Variants in NOX5 observed in about 807,000 individuals in gnomAD.
The protein encoded by NOX5 is NADPH oxidase 5.
A neutral mutation model predicts 85.7 loss-of-function variants in NOX5; 76 were observed. That is an observed-to-expected ratio of 0.89 (90% confidence interval 0.74 to 1.07). NOX5 has a LOEUF of 1.07. Ranked by LOEUF, NOX5 falls within the 50% of genes least tolerant of loss-of-function variation. NOX5 has a pLI of 0.00. For synonymous variants in NOX5, 405 were observed against 401.4 expected, an observed-to-expected ratio of 1.01 and a Z score of -0.11; for missense variants, 973 against 999.5, an observed-to-expected ratio of 0.97 and a Z score of 0.36.
chr15:69,050,802 C>T (rs779169229), intron 14 of NOX5, among the ~76,000 whole-genome samples: 2 of 152,186 alleles, frequency 1.3e-5, no homozygotes, highest in African/African-American at 2.4e-5. Flanking sequence ...GAGTCTAGAG[C>T]AGCCTTTAGT....
rs1262852450 is a variant in NOX5 at position 69,059,222 on chromosome 15, T to G, written c.*2526T>G. The G allele has an allele frequency of 6.6e-6, 1 of 152,216 alleles. No individual in the cohort carries two copies. The highest frequency in any genetic ancestry group is 1.5e-5 in the Non-Finnish European group (1 of 68,040). The allele number at this position is 152,216 out of a possible 1,614,324, so 9.4% of individuals were successfully genotyped here. ...GTGTGACGACCATATGCCCGTGTCC[T>G]GAGGTTTTCTCTCCAGACAGATTCC... On this transcript the variant is annotated 3_prime_UTR_variant, in exon 16 of 16. Coordinates refer to ENST00000388866, the MANE Select transcript of NOX5 (RefSeq NM_024505.4).
chr15:69,016,432 A>G (rs970880044), intron 1 of NOX5, among the ~76,000 whole-genome samples: 1 of 152,146 alleles, frequency 6.6e-6, no homozygotes, highest in Non-Finnish European at 1.5e-5. Flanking sequence ...TTTATAGGCG[A>G]GGAGAGAGTG....
intron 10 of NOX5, among the ~76,000 whole-genome samples, chr15:69,044,689 G>A (rs774858468): frequency 6.6e-6 from 1 of 152,210 alleles, no homozygotes; most frequent in African/African-American, 2.4e-5. Context: ...TAAAAGTGTT[G>A]TGTATGTCTG....
At position 69,037,155 on chromosome 15, in the gene NOX5, C is replaced by T. The variant is rs947926394; in HGVS notation, c.1316C>T (p.Ala439Val). ...LFFLEKAIGLAVSRMAAVCIM... is the reference protein window; with the variant it reads ...LFFLEKAIGLVVSRMAAVCIM... ...TTCCTGGAGAAGGCCATCGGACTGG[C>T]AGTGTCCCGCATGGCAGCCGTGTGC... Residue 439 changes from alanine to valine, a missense_variant, in exon 8 of 16, where the codon GCA becomes GTA. Ala to Val is a moderately conservative substitution (Grantham distance 64). Coordinates refer to ENST00000388866, the MANE Select transcript of NOX5 (RefSeq NM_024505.4). 1.2e-6 allele frequency: 2 copies of T among 1,613,906 alleles called. No individual in the cohort carries two copies. Among genetic ancestry groups the T allele is most frequent in the Non-Finnish European group, 1.7e-6 (2 of 1,180,032 alleles).
At chr15:69,040,871 A>G (rs2050585678) in intron 9 of NOX5, among the ~76,000 whole-genome samples, 1 of 152,046 alleles carries the variant, frequency 6.6e-6, no homozygotes, top group Non-Finnish European at 1.5e-5. Flanking sequence ...TATTTTTAGT[A>G]GAGTCTGGAT....
At chr15:69,018,268 G>A (rs2050254595) in intron 1 of NOX5, among the ~76,000 whole-genome samples, 1 of 152,000 alleles carries the variant, frequency 6.6e-6, no homozygotes, top group Admixed American at 6.5e-5. Flanking sequence ...CCTGGGGACC[G>A]GGTACTTGCT....
In NOX5 at chr15:69,033,263, T is replaced by A. The variant is rs751680747; in HGVS notation, c.841T>A (p.Cys281Ser). 3 of 1,595,024 alleles carry A rather than the reference T, an allele frequency of 1.9e-6. No homozygotes were observed. The highest frequency in any genetic ancestry group is 2.5e-6 in the Non-Finnish European group (3 of 1,178,528). ...KGCGQCLNFDCSFIAVLMLRR... is the reference protein window; with the variant it reads ...KGCGQCLNFDSSFIAVLMLRR... ...CTGCGGCCAGTGCCTCAACTTCGAC[T>A]GCAGCTTCATCGCGGTAGGCTCTGC... Residue 281 changes from cysteine to serine, a missense_variant, in exon 5 of 16, where the codon TGC becomes AGC. By Grantham distance (112) the Cys-to-Ser change is moderately radical (BLOSUM62 -1). Coordinates refer to ENST00000388866, the MANE Select transcript of NOX5 (RefSeq NM_024505.4).
intron 14 of NOX5, among the ~76,000 whole-genome samples, chr15:69,050,632 A>G (rs995261671): frequency 4.6e-5 from 7 of 152,192 alleles, no homozygotes; most frequent in East Asian, 1.9e-4. Context: ...CAAGTGATCC[A>G]CCTGCTTCAG....
At chr15:69,047,624 TCCTC>T (rs1186076854) in intron 12 of NOX5, 87 bp downstream of exon 12, 41 of 1,494,464 alleles carry the variant, frequency 2.7e-5, no homozygotes, top group Non-Finnish European at 3.7e-5. Flanking sequence ...TCCTTCTCCT[TCCTC>T]TCCTTTCACC....
intron 1 of NOX5, among the ~76,000 whole-genome samples, chr15:69,018,142 C>T (rs530229004): frequency 4.3e-4 from 66 of 152,074 alleles, no homozygotes; most frequent in African/African-American, 1.4e-3. Context: ...GCCGGTTGCT[C>T]AGGCATCCTA....
chr15:69,039,385 G>A (rs12437624), intron 9 of NOX5, among the ~76,000 whole-genome samples: 7,338 of 151,852 alleles, frequency 0.048, 447 homozygotes, highest in East Asian at 0.18. Flanking sequence ...GGGGTGGCGG[G>A]GGGTAGGCAG....
chr15:69,053,180 TTCTG>T (rs142502382), intron 14 of NOX5, among the ~76,000 whole-genome samples: 109 of 152,374 alleles, frequency 7.2e-4, no homozygotes, highest in African/African-American at 2.5e-3. Flanking sequence ...GCGTCAATTA[TTCTG>T]TCTAAGTTTG....
chr15:69,023,863 A>G (rs371352), intron 1 of NOX5: 87,604 of 176,306 alleles, frequency 0.5, 22,902 homozygotes, highest in Non-Finnish European at 0.59. Flanking sequence ...TCTCTTTTGT[A>G]TTTATAATGG....
chr15:69,045,732 G>C (rs1314978151), intron 10 of NOX5, among the ~76,000 whole-genome samples: 1 of 150,882 alleles, frequency 6.6e-6, no homozygotes, highest in Non-Finnish European at 1.5e-5. Flanking sequence ...AAGGAAAAAA[G>C]AGAAGAGATT....
intron 1 of NOX5, among the ~76,000 whole-genome samples, chr15:69,019,859 A>G (rs1023177249): frequency 1.3e-5 from 2 of 152,188 alleles, no homozygotes; most frequent in Non-Finnish European, 2.9e-5. Context: ...TCTCACCAGC[A>G]CTGTTTATAT....
At chr15:69,018,113 C>A (rs1567091114) in intron 1 of NOX5, among the ~76,000 whole-genome samples, 1 of 152,050 alleles carries the variant, frequency 6.6e-6, no homozygotes, top group African/African-American at 2.4e-5. Flanking sequence ...CCGGACCGCA[C>A]TCATGGAGCC....
intron 1 of NOX5, chr15:69,023,288 G>T: frequency 4.1e-6 from 1 of 243,772 alleles, no homozygotes. Context: ...CAGAGGGTAA[G>T]AAAAAGAAGA....
At chr15:69,054,857 G>A (rs1417804078) in intron 14 of NOX5, among the ~76,000 whole-genome samples, 2 of 152,144 alleles carry the variant, frequency 1.3e-5, no homozygotes, top group Non-Finnish European at 2.9e-5. Flanking sequence ...TGTGAGGCAT[G>A]GAAGGGCATG....
chr15:69,047,594 C>T lies in NOX5; in HGVS notation c.1817+57C>T. 5.7e-6 allele frequency: 9 copies of T among 1,571,580 alleles called. 1 individual carries two copies. Among genetic ancestry groups the T allele is most frequent in the Non-Finnish European group, 7.8e-6 (9 of 1,157,522 alleles). On this transcript the variant is annotated intron_variant, in intron 12 of 15. Transcript: ENST00000388866. ...TGGGTCAGAGCCCCAAGGCGCCCTC[C>T]CTGCTCCTCCTCCCTTTATTCCTTC... is the stretch of plus-strand genomic sequence containing the variant.
Sources: gnomAD v4.1 joint callset for allele counts (sites outside exome capture counted in the v4.1 genomes callset) on GRCh38, gnomAD v4.1.1 for gene constraint, MANE v1.5 for transcripts, NCBI Gene and HGNC (gene_info 2026-07-23, HGNC 2026-07-21) for gene names.